MDGA2: variants seen among roughly 807,000 people sequenced by gnomAD.
MDGA2 encodes MAM domain-containing glycosylphosphatidylinositol anchor protein 2.
In MDGA2, 40 loss-of-function variants were observed where a neutral mutation model predicts 117.8. The ratio of observed to expected loss-of-function variants is 0.34; its 90% confidence interval spans 0.26 to 0.44. The LOEUF is 0.44. Ranked by LOEUF, MDGA2 falls within the 20% of genes least tolerant of loss-of-function variation. MDGA2 has a pLI of 1.00. For synonymous variants in MDGA2, 452 were observed against 439.0 expected (o/e 1.03, Z -0.37); for missense variants, 1,123 against 1,250.6 (o/e 0.90, Z 1.54).
chr14:47,319,587 C>G (rs998672298), intron 1 of MDGA2, among the ~76,000 whole-genome samples: 1 of 152,004 alleles, frequency 6.6e-6, no homozygotes, highest in Admixed American at 6.6e-5. Flanking sequence ...TTTCTATAGA[C>G]CTGATAAAAA....
intron 3 of MDGA2, among the ~76,000 whole-genome samples, chr14:47,152,289 C>A (rs1215058467): frequency 6.6e-6 from 1 of 152,074 alleles, no homozygotes; most frequent in Non-Finnish European, 1.5e-5. Flanking sequence ...TCTACTTGCC[C>A]AGTTTTACTT....
chr14:46,923,203 A>C (rs1053775839), intron 9 of MDGA2, among the ~76,000 whole-genome samples: 1 of 152,202 alleles, frequency 6.6e-6, no homozygotes, highest in East Asian at 1.9e-4. Context: ...AAATTTCACT[A>C]TAAAACGTTA....
chr14:47,181,717 C>T (rs556958159), intron 3 of MDGA2, among the ~76,000 whole-genome samples: 22 of 152,234 alleles, frequency 1.4e-4, no homozygotes, highest in African/African-American at 4.6e-4. Context: ...GTGAACATCA[C>T]ATCTTTTGAT....
intron 3 of MDGA2, among the ~76,000 whole-genome samples, 168 bp downstream of exon 3, chr14:47,217,853 T>C (rs1162158355): frequency 6.6e-6 from 1 of 152,158 alleles, no homozygotes; most frequent in Non-Finnish European, 1.5e-5. Flanking sequence ...TGAAAGTTTC[T>C]AGTGAAGATT....
chr14:47,459,247 G>A (rs1161584334), intron 1 of MDGA2, among the ~76,000 whole-genome samples: 4 of 152,000 alleles, frequency 2.6e-5, no homozygotes, highest in East Asian at 1.9e-4. Flanking sequence ...GATTACCTCC[G>A]AAGGCTGGCA....
intron 1 of MDGA2, among the ~76,000 whole-genome samples, chr14:47,325,930 G>A (rs538728906): frequency 1.3e-5 from 2 of 152,184 alleles, no homozygotes; most frequent in South Asian, 4.2e-4. Flanking sequence ...CTCTACTAGG[G>A]ATAACGGGAC....
At chr14:47,585,266 A>C (rs567875061) in intron 1 of MDGA2, among the ~76,000 whole-genome samples, 13 of 151,666 alleles carry the variant, frequency 8.6e-5, no homozygotes, top group African/African-American at 2.9e-4. Context: ...CTTTTCCCCA[A>C]CTCTCCAGAT....
intron 2 of MDGA2, among the ~76,000 whole-genome samples, chr14:47,283,538 T>A (rs1428330517): frequency 6.6e-6 from 1 of 152,218 alleles, no homozygotes; most frequent in African/African-American, 2.4e-5. Flanking sequence ...ACCATTTTGT[T>A]ACATTTGATG....
chr14:47,146,797 T>G (rs911065986), intron 3 of MDGA2, among the ~76,000 whole-genome samples: 14 of 152,082 alleles, frequency 9.2e-5, no homozygotes, highest in South Asian at 2.1e-4. Context: ...AGTTAATAGG[T>G]TTGTACTTTC....
intron 1 of MDGA2, among the ~76,000 whole-genome samples, chr14:47,570,120 A>G (rs1489442851): frequency 6.6e-6 from 1 of 152,216 alleles, no homozygotes; most frequent in Non-Finnish European, 1.5e-5. Flanking sequence ...ATAAGATGCC[A>G]TAAAATATTA....
intron 1 of MDGA2, among the ~76,000 whole-genome samples, chr14:47,579,104 C>T (rs139132553): frequency 0.014 from 2,189 of 152,118 alleles, 46 homozygotes; most frequent in African/African-American, 0.049. Flanking sequence ...TGAAAAGTTA[C>T]AATTTGTAAA....
chr14:47,231,711 GA>G (rs1483015495), intron 2 of MDGA2, among the ~76,000 whole-genome samples: 5 of 144,876 alleles, frequency 3.5e-5, no homozygotes, highest in Non-Finnish European at 6.0e-5. Context: ...TCCTGGTACG[GA>G]AAAAATAAGA....
intron 3 of MDGA2, among the ~76,000 whole-genome samples, chr14:47,148,015 C>T (rs1883014379): frequency 6.6e-6 from 1 of 152,086 alleles, no homozygotes; most frequent in African/African-American, 2.4e-5. Flanking sequence ...CGAGAAATGA[C>T]TCACTGCATT....
chr14:47,351,019 C>T (rs142944423), intron 1 of MDGA2, among the ~76,000 whole-genome samples: 1,681 of 152,076 alleles, frequency 0.011, 13 homozygotes, highest in Middle Eastern at 0.068. Context: ...TCAAACGATT[C>T]TCCTGCCTCA....
chr14:46,846,462 T>C (rs1880844064), intron 15 of MDGA2, among the ~76,000 whole-genome samples: 1 of 152,124 alleles, frequency 6.6e-6, no homozygotes, highest in South Asian at 2.1e-4. Flanking sequence ...AACTTGAAGA[T>C]ATGTATCAGT....
chr14:46,987,933 G>A (rs138549870), intron 8 of MDGA2, among the ~76,000 whole-genome samples: 29 of 150,308 alleles, frequency 1.9e-4, no homozygotes, highest in African/African-American at 6.8e-4. Flanking sequence ...GGGGTGGGGG[G>A]GGGTGCGCGC....
At chr14:47,296,702 G>C (rs1889086387) in intron 2 of MDGA2, among the ~76,000 whole-genome samples, 1 of 152,162 alleles carries the variant, frequency 6.6e-6, no homozygotes, top group Non-Finnish European at 1.5e-5. Context: ...TTTTGAGGAA[G>C]GAAACTATGC....
At chr14:46,866,380 CA>C (rs1163174904) in intron 14 of MDGA2, among the ~76,000 whole-genome samples, 1 of 152,066 alleles carries the variant, frequency 6.6e-6, no homozygotes, top group African/African-American at 2.4e-5. Flanking sequence ...ACACCTTATA[CA>C]AAAATCAATT....
At chr14:47,209,262 G>A (rs1203299813) in intron 3 of MDGA2, among the ~76,000 whole-genome samples, 1 of 152,108 alleles carries the variant, frequency 6.6e-6, no homozygotes, top group Non-Finnish European at 1.5e-5. Context: ...CTCACCAGTA[G>A]TTCGAGTAGA....
Sources: allele counts gnomAD v4.1 joint callset (sites outside exome capture counted in the v4.1 genomes callset), GRCh38; gene constraint gnomAD v4.1.1; transcripts MANE v1.5; gene names NCBI Gene and HGNC (gene_info 2026-07-23, HGNC 2026-07-21).